The following LHPP variants were observed in gnomAD, a reference collection of about 807,000 sequenced individuals.
The protein encoded by LHPP is hLHPP.
In LHPP, 24 loss-of-function variants were observed where a neutral mutation model predicts 30.3. The observed-to-expected ratio is 0.79, with a 90% CI of 0.57 to 1.11. The LOEUF is 1.11. Ranked by LOEUF, LHPP falls within the 50% of genes most tolerant of loss-of-function variation. The pLI is 0.00. For synonymous variants in LHPP, 150 were observed against 157.1 expected (o/e 0.95, Z 0.34); for missense variants, 356 against 367.2 (o/e 0.97, Z 0.25).
At chr10:124,495,354 C>T (rs1388653739) in intron 3 of LHPP, among the ~76,000 whole-genome samples, 1 of 152,218 alleles carries the variant, frequency 6.6e-6, no homozygotes, top group Non-Finnish European at 1.5e-5. Context: ...CAAACAGACT[C>T]CAAGCTCCAA....
At position 124,510,664 on chromosome 10, in the gene LHPP, A is replaced by G. The variant is rs1954274773; in HGVS notation, c.625-6516A>G. Among the ~76,000 whole-genome samples the G allele has an allele frequency of 6.6e-6, 1 of 152,180 alleles. No homozygotes were observed. Among genetic ancestry groups the G allele is most frequent in the Admixed American group, 6.5e-5 (1 of 15,272 alleles). ...GTGGGAGGAGCATGCACACAGTTTC[A>G]TTTTCCCCGGAAGCATGGAGGTGTA... is the stretch of plus-strand genomic sequence containing the variant. On this transcript the variant is annotated intron_variant, in intron 5 of 6. Transcript: ENST00000368842. This position sits in a 1 kb window ranked among gnomAD's most constrained non-coding sequence, Gnocchi z 4.0.
At chr10:124,587,288 G>A (rs545718412) in intron 6 of LHPP, among the ~76,000 whole-genome samples, 2 of 151,870 alleles carry the variant, frequency 1.3e-5, no homozygotes, top group Admixed American at 6.5e-5. Flanking sequence ...GCCCGCCTCA[G>A]CCTCCCAAAG....
At chr10:124,469,153 G>T (rs1428115596) in intron 1 of LHPP, among the ~76,000 whole-genome samples, 1 of 152,118 alleles carries the variant, frequency 6.6e-6, no homozygotes, top group Non-Finnish European at 1.5e-5. Context: ...GGAAGTTCCT[G>T]GGGTGAGACC....
At chr10:124,486,041 G>T (rs1424396841) in intron 2 of LHPP, among the ~76,000 whole-genome samples, 4 of 152,118 alleles carry the variant, frequency 2.6e-5, no homozygotes, top group Non-Finnish European at 5.9e-5. Context: ...TGCAGACACG[G>T]GTATACTCCC....
intron 1 of LHPP, among the ~76,000 whole-genome samples, chr10:124,476,656 T>TCC (rs1236710685): frequency 5.9e-5 from 9 of 152,184 alleles, no homozygotes; most frequent in African/African-American, 2.2e-4. Flanking sequence ...GGTGGGCTCA[T>TCC]GCGCACATCA....
intron 5 of LHPP, among the ~76,000 whole-genome samples, chr10:124,502,076 C>A (rs1218991078): frequency 6.6e-6 from 1 of 151,960 alleles, no homozygotes; most frequent in African/African-American, 2.4e-5. Context: ...AGTAACTTGA[C>A]ACTCACAAAA....
chr10:124,492,273 T>TTTA (rs10652412), intron 3 of LHPP, among the ~76,000 whole-genome samples: 1 of 151,934 alleles, frequency 6.6e-6, no homozygotes, highest in Non-Finnish European at 1.5e-5. Flanking sequence ...ATGAAAAGAT[T>TTTA]TTTTTAGTGA....
At chr10:124,485,979 A>C (rs1054289017) in intron 2 of LHPP, among the ~76,000 whole-genome samples, 2 of 151,860 alleles carry the variant, frequency 1.3e-5, no homozygotes, top group Non-Finnish European at 2.9e-5. Context: ...ATATCCATCC[A>C]TCCCTCCGTC....
intron 6 of LHPP, among the ~76,000 whole-genome samples, chr10:124,612,492 C>T (rs892908080): frequency 1.3e-5 from 2 of 152,188 alleles, no homozygotes; most frequent in East Asian, 1.9e-4. Context: ...CTCCCACCCA[C>T]GTGTCTACCC....
rs1564767686 is a variant in LHPP at position 124,471,436 on chromosome 10, ATTATATATATTTATATAT to A, written c.125+9469_125+9486del. On this transcript the variant is annotated intron_variant, in intron 1 of 6. Transcript: ENST00000368842. ...TTATATATTATATATATATTTATAT[ATTATATATATTTATATAT>A]TTATATATATTTATATATTATATAT... Among the ~76,000 whole-genome samples the A allele has an allele frequency of 5.1e-3, 81 of 15,738 alleles. 4 individuals are homozygous for A. The highest frequency in any genetic ancestry group is 0.019 in the East Asian group (6 of 310). The allele number at this position is 15,738 out of a possible 152,430, so 10.3% of individuals were successfully genotyped here.
chr10:124,613,979 A>G lies in LHPP; in HGVS notation c.*619A>G, dbSNP rs1949236206. 3 of 154,832 alleles carry G rather than the reference A, an allele frequency of 1.9e-5. No individual in the cohort carries two copies. The highest frequency in any genetic ancestry group is 4.3e-5 in the Non-Finnish European group (3 of 69,892). 9.6% of individuals were successfully genotyped at this position (154,832 alleles called of 1,614,324 possible). ...AGACAAAGACCAGGGGCAGCTCCCG[A>G]GGGCACTGTGAAGGCTCCCATGCCA... On this transcript the variant is annotated 3_prime_UTR_variant, in exon 7 of 7. Coordinates refer to ENST00000368842, the MANE Select transcript of LHPP (RefSeq NM_022126.4).
At chr10:124,522,766 G>A (rs1954641678) in intron 6 of LHPP, among the ~76,000 whole-genome samples, 1 of 147,048 alleles carries the variant, frequency 6.8e-6, no homozygotes, top group Non-Finnish European at 1.5e-5. Flanking sequence ...TTGCCTGCCT[G>A]TCAAGGCAGC....
In LHPP at chr10:124,590,339, C is replaced by T. The variant is rs1462917772; in HGVS notation, c.717-22925C>T. On this transcript the variant is annotated intron_variant, in intron 6 of 6. Transcript: ENST00000368842. This position sits in a 1 kb window ranked among gnomAD's most constrained non-coding sequence, Gnocchi z 4.3. The stretch of plus-strand genomic sequence containing the variant: ...CCTCGACTGCGGGGAAGTGCTGGAA[C>T]CCTCCGCACGAGGGCAACCTTTCTT... Among the ~76,000 whole-genome samples the T allele has an allele frequency of 6.6e-6, 1 of 152,182 alleles. No individual in the cohort carries two copies. The highest frequency in any genetic ancestry group is 1.9e-4 in the East Asian group (1 of 5,192).
chr10:124,510,283 C>T lies in LHPP; in HGVS notation c.625-6897C>T, dbSNP rs964159499. Among the ~76,000 whole-genome samples the T allele has an allele frequency of 2.0e-5, 3 of 152,232 alleles. No homozygotes were observed. The highest frequency in any genetic ancestry group is 7.2e-5 in the African/African-American group (3 of 41,452). ...TGCTCCTCCTTGCGTGATTATTGCC[C>T]TTCACCGATAGTAAATCTGGGAATC... On this transcript the variant is annotated intron_variant, in intron 5 of 6. Transcript: ENST00000368842. The surrounding 1 kb of genome is among the most constrained non-coding windows in gnomAD (Gnocchi z 4.0).
At chr10:124,586,435 T>C (rs937370602) in intron 6 of LHPP, among the ~76,000 whole-genome samples, 2 of 152,164 alleles carry the variant, frequency 1.3e-5, no homozygotes, top group African/African-American at 4.8e-5. Context: ...GCATGGACTA[T>C]GGTCAGTTAC....
intron 1 of LHPP, among the ~76,000 whole-genome samples, chr10:124,467,117 CTA>C (rs1952572839): frequency 6.7e-6 from 1 of 150,128 alleles, no homozygotes; most frequent in African/African-American, 2.5e-5. Context: ...GAGTGAGACT[CTA>C]AAAAAAAAAA....
At chr10:124,572,259 C>T (rs981276086) in intron 6 of LHPP, among the ~76,000 whole-genome samples, 1 of 152,182 alleles carries the variant, frequency 6.6e-6, no homozygotes, top group African/African-American at 2.4e-5. Flanking sequence ...AGGGGGACTG[C>T]TCAGGAGGCT....
chr10:124,526,488 C>A (rs905223909), intron 6 of LHPP, among the ~76,000 whole-genome samples: 1 of 152,236 alleles, frequency 6.6e-6, no homozygotes, highest in African/African-American at 2.4e-5. Context: ...GCCTGTGCCC[C>A]TGAACATTCT....
chr10:124,573,922 C>T (rs1170833077), intron 6 of LHPP, among the ~76,000 whole-genome samples: 2 of 151,996 alleles, frequency 1.3e-5, no homozygotes, highest in African/African-American at 2.4e-5. Context: ...GACTCAGGTC[C>T]GAGTTTATGT....
Sources: allele counts gnomAD v4.1 joint callset (sites outside exome capture counted in the v4.1 genomes callset), GRCh38; gene constraint gnomAD v4.1.1; non-coding constraint Gnocchi (gnomAD v3.1); transcripts MANE v1.5; gene names NCBI Gene and HGNC (gene_info 2026-07-23, HGNC 2026-07-21).